The following SALL1 variants were observed in gnomAD, a reference collection of about 807,000 sequenced individuals.
SALL1 encodes the protein spalt like transcription factor 1.
A neutral mutation model predicts 73.1 loss-of-function variants in SALL1; 10 were observed. The observed-to-expected ratio is 0.14, with a 90% CI of 0.08 to 0.23. SALL1 has a LOEUF of 0.23. SALL1 is among the 10% of genes least tolerant of loss of function. The pLI is 1.00. For missense variants in SALL1, 1,520 were observed against 1,697.3 expected, an observed-to-expected ratio of 0.90 and a Z score of 1.84; for synonymous variants, 688 against 689.8, an observed-to-expected ratio of 1.00 and a Z score of 0.04.
intron 1 of SALL1, 149 bp downstream of exon 1, chr16:51,151,017 A>G (rs1263355698): frequency 4.3e-6 from 2 of 466,788 alleles, no homozygotes; most frequent in African/African-American, 2.0e-5. Context: ...TTAAAAAGAA[A>G]AAAAAAATTA....
Position 51,146,811 on chromosome 16 carries a change from TTC to T in SALL1, c.76+4353_76+4354del, listed in dbSNP as rs556042166. On this transcript the variant is annotated intron_variant, in intron 1 of 2. Coordinates refer to ENST00000251020, the MANE Select transcript of SALL1 (RefSeq NM_002968.3). Reference sequence around the variant, plus strand: ...TCTAAAGCCTGGCACATAAACTTTTTTCTTTTTTGGGGGGAGGGGTGTTAGTT... The same window carrying T: ...TCTAAAGCCTGGCACATAAACTTTTTTTTTTTGGGGGGAGGGGTGTTAGTT... Among the ~76,000 whole-genome samples the T allele has an allele frequency of 3.8e-4, 58 of 152,292 alleles. No homozygotes were observed. In the South Asian group the frequency reaches 0.012, roughly 32 times the overall value.
intron 1 of SALL1, chr16:51,149,766 C>T (rs895991010): frequency 3.3e-5 from 5 of 152,210 alleles, no homozygotes; most frequent in African/African-American, 1.2e-4. Context: ...CCCAGCTCTA[C>T]CGAGAGGCAG....
chr16:51,151,882 CG>C (rs1369980059), upstream of SALL1, among the ~76,000 whole-genome samples: 2 of 148,528 alleles, frequency 1.3e-5, no homozygotes, highest in South Asian at 4.7e-4. Context: ...CTTCCCAACT[CG>C]GGGGCGAGGC....
intron 1 of SALL1, 84 bp from the exon 2 acceptor site, chr16:51,142,229 A>G: frequency 1.8e-6 from 2 of 1,103,214 alleles, no homozygotes; most frequent in East Asian, 2.3e-5. Context: ...AGGCTAATCA[A>G]TGGTTTTCCA....
At chr16:51,137,941 C>T (rs1962342709) in intron 2 of SALL1, among the ~76,000 whole-genome samples, 1 of 152,172 alleles carries the variant, frequency 6.6e-6, no homozygotes, top group South Asian at 2.1e-4. Context: ...TATCTGACAC[C>T]CTTTACCCTA....
At chr16:51,146,624 G>C (rs935827267) in intron 1 of SALL1, among the ~76,000 whole-genome samples, 1 of 152,156 alleles carries the variant, frequency 6.6e-6, no homozygotes, top group Admixed American at 6.5e-5. Context: ...AAGCTGATAA[G>C]GTGAAACTAA....
In SALL1 at chr16:51,140,376, T is replaced by C. The variant is rs375544478; in HGVS notation, c.1846A>G (p.Thr616Ala). Residue 616 changes from threonine (T) to alanine (A), a missense_variant, in exon 2 of 3, where the codon ACT becomes GCT. Coordinates refer to ENST00000251020, the MANE Select transcript of SALL1 (RefSeq NM_002968.3). This position sits in a 1 kb window ranked among gnomAD's most constrained non-coding sequence, Gnocchi z 5.7. ...CTTTTGCCACCAGAGGGTGGCAGAG[T>C]GGACCCTTCGGCTTCCTCTGGGAGC... ...GGLPEEAEGS[T>A]LPPSGGKSEE... 9.9e-6 allele frequency: 16 copies of C among 1,613,936 alleles called. No homozygotes were observed. The highest frequency in any genetic ancestry group is 1.4e-5 in the Non-Finnish European group (16 of 1,180,012).
At chr16:51,146,201 C>T (rs111250581) in intron 1 of SALL1, among the ~76,000 whole-genome samples, 13 of 151,944 alleles carry the variant, frequency 8.6e-5, no homozygotes, top group African/African-American at 2.7e-4. Flanking sequence ...ACTGTTCTGA[C>T]GGGGATTAGA....
intron 1 of SALL1, chr16:51,150,959 G>C (rs1016355286): frequency 1.4e-5 from 6 of 414,428 alleles, no homozygotes; most frequent in East Asian, 1.1e-4. Flanking sequence ...AGATGTGCTC[G>C]CTTTCCCCGG....
chr16:51,140,893 A>G lies in SALL1; in HGVS notation c.1329T>C (p.Asp443=), dbSNP rs201203066. 9.9e-6 allele frequency: 16 copies of G among 1,614,224 alleles called. No homozygotes were observed. In the African/African-American group the frequency reaches 1.9e-4, roughly 19 times the overall value. Residue 443 remains aspartate (D), a synonymous_variant, in exon 2 of 3, where the codon GAT becomes GAC. Transcript: ENST00000251020. This position sits in a 1 kb window ranked among gnomAD's most constrained non-coding sequence, Gnocchi z 5.7. Reference sequence around the variant, plus strand: ...TGCACTTGTGTTTGAAGAATGCCTCATCGGAAGTACTTTTCGCTTCAAAGG... The same window carrying G: ...TGCACTTGTGTTTGAAGAATGCCTCGTCGGAAGTACTTTTCGCTTCAAAGG... ...VTAFEAKSTS[D]EAFFKHKCRF... is the part of the protein sequence containing the mutation.
chr16:51,151,964 TC>T (rs1962625680), upstream of SALL1, among the ~76,000 whole-genome samples: 1 of 150,702 alleles, frequency 6.6e-6, no homozygotes, highest in African/African-American at 2.4e-5. Context: ...CGTGAGTGTT[TC>T]TTCGTTTCTT....
Position 51,137,435 on chromosome 16 carries a change from G to A in SALL1, c.3652C>T (p.Gln1218Ter). The A allele has an allele frequency of 1.2e-6, 2 of 1,614,114 alleles. No individual in the cohort carries two copies. The highest frequency in any genetic ancestry group is 1.7e-6 in the Non-Finnish European group (2 of 1,180,040). ...CCTGATCTTGCCGCCAAATCCTTCT[G>A]GAACATTTCTGGGAACTTGACGGGA... ...GNPVKFPEMF[Q>*]KDLAARSGSG... Residue 1218 changes from glutamine (Q) to a stop codon, truncating the protein, a stop_gained, in exon 3 of 3, where the codon CAG (glutamine) becomes TAG (stop). Transcript: ENST00000251020. LOFTEE classifies it high-confidence loss of function.
At position 51,139,803 on chromosome 16, in the gene SALL1, C is replaced by T; in HGVS notation, c.2419G>A (p.Glu807Lys). ...TCATCAAAGGAACCTGTGTCAGACTCCATGGACTCAGAGTAGCTGTCGGGG... is the reference window on the plus strand; with the variant it reads ...TCATCAAAGGAACCTGTGTCAGACTTCATGGACTCAGAGTAGCTGTCGGGG... The part of the protein sequence containing the change: ...PVPDSYSESM[E>K]SDTGSFDEKN... Residue 807 changes from glutamate (E) to lysine (K), a missense_variant, in exon 2 of 3, where the codon GAG (glutamate) becomes AAG (lysine). Glu to Lys is a moderately conservative substitution (Grantham distance 56). This residue lies in a region of SALL1 where 266 missense variants were observed against 275.1 expected (regional missense o/e 0.97). Transcript: ENST00000251020. 6.2e-7 allele frequency: 1 copy of T among 1,614,200 alleles called. No individual in the cohort carries two copies. Among genetic ancestry groups the T allele is most frequent in the Non-Finnish European group, 8.5e-7 (1 of 1,180,038 alleles).
At chr16:51,144,404 C>T (rs1323347234) in intron 1 of SALL1, among the ~76,000 whole-genome samples, 1 of 152,148 alleles carries the variant, frequency 6.6e-6, no homozygotes, top group Non-Finnish European at 1.5e-5. Flanking sequence ...AAATACTTTT[C>T]AACCAGCTCA....
intron 1 of SALL1, chr16:51,149,646 T>C (rs904814317): frequency 1.3e-5 from 2 of 152,124 alleles, no homozygotes; most frequent in African/African-American, 4.8e-5. Flanking sequence ...TTGTAAAGCA[T>C]TTCTTAATTA....
At chr16:51,149,267 T>C (rs1443414920) in intron 1 of SALL1, 1 of 152,456 alleles carries the variant, frequency 6.6e-6, no homozygotes, top group Non-Finnish European at 1.5e-5. Context: ...GACTTTTTTT[T>C]TTTAAATGTA....
rs1420114354 is a variant in SALL1 at position 51,139,253 on chromosome 16, A to AAG, written c.2967_2968dup (p.Phe990SerfsTer56). 1 of 1,614,146 alleles carries AAG rather than the reference A, an allele frequency of 6.2e-7. No homozygotes were observed. ...AAATTTACCCCGGTCTCTAAAAGGGAAGAGGATCCCCAAAGAATCTTCTTT... is the reference window on the plus strand; with the variant it reads ...AAATTTACCCCGGTCTCTAAAAGGGAAGAGAGGATCCCCAAAGAATCTTCTTT... On this transcript the variant is annotated frameshift_variant, in exon 2 of 3. Coordinates refer to ENST00000251020, the MANE Select transcript of SALL1 (RefSeq NM_002968.3). LOFTEE classifies it high-confidence loss of function.
chr16:51,138,118 A>G (rs1962345319), intron 2 of SALL1, among the ~76,000 whole-genome samples: 1 of 152,252 alleles, frequency 6.6e-6, no homozygotes, highest in Admixed American at 6.5e-5. Flanking sequence ...AGAGCACTCA[A>G]CTGTTGCTCT....
rs371127619 is a variant in SALL1, at chr16:51,136,675, G to A, written c.*437C>T. ...GATAAAATTTTCCAGCAGGATCAAA[G>A]TGTACATGTATATACAGACTTTATT... On this transcript the variant is annotated 3_prime_UTR_variant, in exon 3 of 3. Transcript: ENST00000251020. 5.7e-6 allele frequency: 1 copy of A among 176,270 alleles called. No individual in the cohort carries two copies. The highest frequency in any genetic ancestry group is 2.4e-5 in the African/African-American group (1 of 42,022). The allele number at this position is 176,270 out of a possible 1,614,324, so 10.9% of individuals were successfully genotyped here. A position where few individuals can be genotyped will look rare whatever the true frequency, so the allele number is the denominator to read the frequency against.
Sources: allele counts gnomAD v4.1 joint callset (sites outside exome capture counted in the v4.1 genomes callset), GRCh38; gene constraint gnomAD v4.1.1; regional missense constraint gnomAD v4.1.1; non-coding constraint Gnocchi (gnomAD v3.1); transcripts MANE v1.5; gene names NCBI Gene and HGNC (gene_info 2026-07-23, HGNC 2026-07-21).